Variants in THAP4 observed in about 807,000 individuals in gnomAD.
The protein encoded by THAP4 is THAP domain containing 4.
A neutral mutation model predicts 48.1 loss-of-function variants in THAP4; 18 were observed. That is an observed-to-expected ratio of 0.37 (90% CI 0.26 to 0.56). THAP4 has a LOEUF of 0.56. Among genes scored for constraint, THAP4 ranks in the 20% least tolerant of loss-of-function variants. The pLI is 0.78. For synonymous variants in THAP4, 345 were observed against 324.9 expected (o/e 1.06, Z -0.66); for missense variants, 656 against 774.9 (o/e 0.85, Z 1.82).
chr2:241,637,045 A>G lies in THAP4; in HGVS notation c.-28T>C. 1 of 1,219,822 alleles carries G rather than the reference A, an allele frequency of 8.2e-7. No homozygotes were observed. The highest frequency in any genetic ancestry group is 6.0e-5 in the East Asian group (1 of 16,596). 75.6% of individuals were successfully genotyped at this position (1,219,822 alleles called of 1,614,324 possible). On this transcript the variant is annotated 5_prime_UTR_variant, in exon 1 of 6. Coordinates refer to ENST00000407315, the MANE Select transcript of THAP4 (RefSeq NM_015963.6). Reference sequence around the variant, plus strand: ...CGGGCCTTGGCCCAGCCGCGCAGCCAGGCCCCGGCCCTAGCCGCCCGCCCG... The same window carrying G: ...CGGGCCTTGGCCCAGCCGCGCAGCCGGGCCCCGGCCCTAGCCGCCCGCCCG...
Position 241,601,910 on chromosome 2 carries a change from G to A in THAP4, c.1600C>T (p.Pro534Ser). The A allele has an allele frequency of 6.2e-7, 1 of 1,613,902 alleles. No individual in the cohort carries two copies. ...SIARISFAKE[P>S]HVEQITRKFR... ...GCTGGGCTCACCTGCTCTACGTGGG[G>A]CTCCTTGGCGAAGGAGATCCTGGCG... The change falls in exon 5 of 6, where the codon CCC becomes TCC. Residue 534 changes from proline (P) to serine (S), a missense_variant. By Grantham distance (74) the Pro-to-Ser change is moderately conservative. Coordinates refer to ENST00000407315, the MANE Select transcript of THAP4 (RefSeq NM_015963.6). The surrounding 1 kb of genome is among the most constrained non-coding windows in gnomAD (Gnocchi z 4.0).
chr2:241,625,808 AAAAAAAAAAAAAAAAAG>A (rs1170653475), intron 2 of THAP4, among the ~76,000 whole-genome samples: 112 of 147,268 alleles, frequency 7.6e-4, no homozygotes, highest in African/African-American at 2.7e-3. Flanking sequence ...AAAAAAAAAA[AAAAAAAAAAAAAAAAAG>A]AAAAAAGAAA....
At chr2:241,598,736 C>T (rs370374195) in intron 5 of THAP4, among the ~76,000 whole-genome samples, 26 of 152,262 alleles carry the variant, frequency 1.7e-4, no homozygotes, top group African/African-American at 5.8e-4. Flanking sequence ...CACTCACCTC[C>T]TGCAGTGAGG....
chr2:241,634,972 T>C (rs1159764616), intron 1 of THAP4, among the ~76,000 whole-genome samples: 1 of 152,210 alleles, frequency 6.6e-6, no homozygotes, highest in African/African-American at 2.4e-5. Flanking sequence ...AGAATGCGGG[T>C]TCCCAGAGCC....
rs1245299065 is a variant in THAP4, at chr2:241,632,832, A to G, written c.1240+85T>C. On this transcript the variant is annotated intron_variant, in intron 2 of 5. Transcript: ENST00000407315. ...GCAGGGAGCTTGTGACACCTCCCAG[A>G]AATGCTCAGGGGACGCTGGCCACCT... is the stretch of plus-strand genomic sequence containing the variant. 5 of 1,101,514 alleles carry G rather than the reference A, an allele frequency of 4.5e-6. No homozygotes were observed. The African/African-American group carries it at 7.9e-5, about 17-fold the overall frequency. The allele number at this position is 1,101,514 out of a possible 1,614,324, so 68.2% of individuals were successfully genotyped here. A position where few individuals can be genotyped will look rare whatever the true frequency, so the allele number is the denominator to read the frequency against.
At chr2:241,634,313 G>A (rs139949343) in intron 1 of THAP4, among the ~76,000 whole-genome samples, 8 of 152,324 alleles carry the variant, frequency 5.3e-5, no homozygotes, top group Non-Finnish European at 7.4e-5. Context: ...TCTGTAGGGC[G>A]GATGGGAAAG....
chr2:241,618,318 T>C (rs1483841025), intron 2 of THAP4, among the ~76,000 whole-genome samples: 1 of 152,198 alleles, frequency 6.6e-6, no homozygotes, highest in East Asian at 1.9e-4. Context: ...AAAAAGGCCA[T>C]AAAGTGGATA....
intron 5 of THAP4, among the ~76,000 whole-genome samples, chr2:241,593,490 G>A (rs1307701066): frequency 1.3e-5 from 2 of 152,168 alleles, no homozygotes; most frequent in Admixed American, 1.3e-4. Context: ...GGCTGGAAAT[G>A]AGACGCACAC....
Position 241,616,182 on chromosome 2 carries a change from C to G in THAP4, c.1241-9709G>C, listed in dbSNP as rs372380726. Among the ~76,000 whole-genome samples, 12 of 152,186 alleles carry G rather than the reference C, an allele frequency of 7.9e-5. No homozygotes were observed. The highest frequency in any genetic ancestry group is 1.3e-4 in the Non-Finnish European group (9 of 68,026). The stretch of plus-strand genomic sequence containing the variant: ...GGCCTGGATGGGCCAGAACCTTTTA[C>G]GTAGGAGGGACGTGGCCCGGGCTTT... On this transcript the variant is annotated intron_variant, in intron 2 of 5. Transcript: ENST00000407315. The surrounding 1 kb of genome is among the most constrained non-coding windows in gnomAD (Gnocchi z 4.6).
chr2:241,629,363 C>A (rs557446688), intron 2 of THAP4, among the ~76,000 whole-genome samples: 1 of 151,496 alleles, frequency 6.6e-6, no homozygotes, highest in Non-Finnish European at 1.5e-5. Context: ...CCCAGCTACT[C>A]GAGAGGCTGA....
upstream of THAP4, chr2:241,637,497 C>T (rs2067697844): frequency 4.2e-6 from 6 of 1,443,620 alleles, no homozygotes; most frequent in Non-Finnish European, 4.5e-6. Flanking sequence ...CGTCGTCCCA[C>T]GACACGACCC....
In THAP4 at chr2:241,623,627, T is replaced by C. The variant is rs539946895; in HGVS notation, c.1240+9290A>G. 1.7e-4 allele frequency among the ~76,000 whole-genome samples: 26 copies of C among 150,624 alleles called. 1 individual carries two copies. Among genetic ancestry groups the C allele is most frequent in the African/African-American group, 6.1e-4 (25 of 40,996 alleles). On this transcript the variant is annotated intron_variant, in intron 2 of 5. Transcript: ENST00000407315. ...AAAGAGAGAAGGTACAAATTATTGA[T>C]ATCATTTAAAAAAAAAAGAAGGGAG...
Position 241,616,183 on chromosome 2 carries a change from G to A in THAP4, c.1241-9710C>T, listed in dbSNP as rs149790271. Among the ~76,000 whole-genome samples the A allele has an allele frequency of 4.7e-3, 721 of 152,358 alleles. 8 individuals carry two copies. Among genetic ancestry groups the A allele is most frequent in the African/African-American group, 0.016 (647 of 41,578 alleles). ...GCCTGGATGGGCCAGAACCTTTTACGTAGGAGGGACGTGGCCCGGGCTTTC... is the reference window on the plus strand; with the variant it reads ...GCCTGGATGGGCCAGAACCTTTTACATAGGAGGGACGTGGCCCGGGCTTTC... On this transcript the variant is annotated intron_variant, in intron 2 of 5. Coordinates refer to ENST00000407315, the MANE Select transcript of THAP4 (RefSeq NM_015963.6). The surrounding 1 kb of genome is among the most constrained non-coding windows in gnomAD (Gnocchi z 4.6).
chr2:241,596,030 G>A (rs1483840985), intron 5 of THAP4, among the ~76,000 whole-genome samples: 2 of 152,198 alleles, frequency 1.3e-5, no homozygotes, highest in Admixed American at 6.5e-5. Flanking sequence ...ACTCTGCCCC[G>A]TGCCCTGCCC....
intron 2 of THAP4, among the ~76,000 whole-genome samples, chr2:241,628,878 C>T (rs1033191532): frequency 5.0e-4 from 67 of 134,366 alleles, no homozygotes; most frequent in African/African-American, 1.8e-3. Context: ...GGGTCGTGGC[C>T]GCAGTAAGAC....
intron 3 of THAP4, 57 bp downstream of exon 3, chr2:241,606,257 T>G: frequency 6.9e-7 from 1 of 1,453,736 alleles, no homozygotes; most frequent in Non-Finnish European, 9.2e-7. Context: ...GGAATTATTT[T>G]CAGAGACCTA....
chr2:241,604,375 C>T (rs866584585), intron 3 of THAP4, among the ~76,000 whole-genome samples: 37 of 152,222 alleles, frequency 2.4e-4, no homozygotes, highest in African/African-American at 7.9e-4. Context: ...CTCAGCCTTA[C>T]CGAGTAGCTG....
At chr2:241,637,491 G>A (rs2067697637), upstream of THAP4, 1 of 1,448,656 alleles carries the variant, frequency 6.9e-7, no homozygotes. Context: ...ACCAGCCGTC[G>A]TCCCACGACA....
At chr2:241,611,399 A>G (rs560683400) in intron 2 of THAP4, among the ~76,000 whole-genome samples, 2 of 152,340 alleles carry the variant, frequency 1.3e-5, no homozygotes, top group East Asian at 1.9e-4. Context: ...ACCACCCGCC[A>G]TAGAGAAGTA....
Sources: gnomAD v4.1 joint callset for allele counts (sites outside exome capture counted in the v4.1 genomes callset) on GRCh38, gnomAD v4.1.1 for gene constraint, Gnocchi (gnomAD v3.1) non-coding constraint, MANE v1.5 for transcripts, NCBI Gene and HGNC (gene_info 2026-07-23, HGNC 2026-07-21) for gene names.